Variants in PXT1 observed in about 807,000 individuals in gnomAD.
PXT1 encodes peroxisomal testis enriched protein 1, also known as peroxisomal testis-specific protein 1.
PXT1 carries 11 observed loss-of-function variants against 11.0 expected under a neutral mutation model. The ratio of observed to expected loss-of-function variants is 1.00; its 90% CI spans 0.63 to 1.66. The LOEUF (loss-of-function observed/expected upper bound fraction) is 1.66. PXT1 is among the 40% of genes most tolerant of loss of function. PXT1 has a pLI of 0.00. For missense variants in PXT1, 141 were observed against 155.5 expected (o/e 0.91, Z 0.49); for synonymous variants, 43 against 51.4 (o/e 0.84, Z 0.70).
At chr6:36,415,392 C>A (rs1477058717) in intron 3 of PXT1, among the ~76,000 whole-genome samples, 1 of 151,962 alleles carries the variant, frequency 6.6e-6, no homozygotes, top group South Asian at 2.1e-4. Flanking sequence ...TGCAGTGAGC[C>A]GAGATCGCAC....
Position 36,390,835 on chromosome 6 carries a change from C to T in PXT1, c.*935G>A, listed in dbSNP as rs1774055833. On this transcript the variant is annotated 3_prime_UTR_variant, in exon 5 of 5. Coordinates refer to ENST00000454782, the MANE Select transcript of PXT1 (RefSeq NM_152990.4). ...GCCCACCAACCAATAATAGCAAAAC[C>T]ATCCAGCAATAGGAAAAGAGAAGTT... is the stretch of plus-strand genomic sequence containing the variant. The T allele has an allele frequency of 6.6e-6, 1 of 152,192 alleles. No individual in the cohort carries two copies. Among genetic ancestry groups the T allele is most frequent in the Non-Finnish European group, 1.5e-5 (1 of 68,066 alleles). 9.4% of individuals were successfully genotyped at this position (152,192 alleles called of 1,614,324 possible).
intron 3 of PXT1, among the ~76,000 whole-genome samples, chr6:36,414,978 A>C (rs891563293): frequency 6.6e-6 from 1 of 152,238 alleles, no homozygotes; most frequent in Non-Finnish European, 1.5e-5. Flanking sequence ...TTATGGCACC[A>C]ACTCAAAGGG....
chr6:36,412,267 G>T (rs1007632800), intron 3 of PXT1, among the ~76,000 whole-genome samples: 3 of 150,374 alleles, frequency 2.0e-5, no homozygotes, highest in African/African-American at 7.4e-5. Context: ...CAGGAGAATC[G>T]CTTGAACCTG....
intron 4 of PXT1, among the ~76,000 whole-genome samples, chr6:36,398,814 T>C (rs1157460817): frequency 1.3e-5 from 2 of 152,086 alleles, no homozygotes; most frequent in African/African-American, 2.4e-5. Flanking sequence ...TTCCCAGAGA[T>C]GCCTTCCCTG....
At chr6:36,402,809 A>G (rs1774232281) in intron 3 of PXT1, among the ~76,000 whole-genome samples, 1 of 152,238 alleles carries the variant, frequency 6.6e-6, no homozygotes, top group Admixed American at 6.5e-5. Context: ...TTTATCCAGT[A>G]GAGATAAAGG....
chr6:36,438,116 G>A (rs1438801404), intron 2 of PXT1, among the ~76,000 whole-genome samples: 2 of 151,872 alleles, frequency 1.3e-5, no homozygotes, highest in East Asian at 1.9e-4. Context: ...CACCGAGCCC[G>A]GCCTATTAAT....
intron 3 of PXT1, among the ~76,000 whole-genome samples, chr6:36,421,050 G>T (rs572802291): frequency 7.0e-6 from 1 of 143,564 alleles, no homozygotes; most frequent in Non-Finnish European, 1.5e-5. Flanking sequence ...TAGAGACTCC[G>T]TCTCAAAAAA....
chr6:36,397,444 G>T (rs1352327161), intron 4 of PXT1, among the ~76,000 whole-genome samples: 1 of 152,008 alleles, frequency 6.6e-6, no homozygotes, highest in Admixed American at 6.6e-5. Context: ...AATCCAAATG[G>T]TGTTGGGACA....
intron 3 of PXT1, among the ~76,000 whole-genome samples, chr6:36,401,544 G>A (rs1375448848): frequency 1.3e-5 from 2 of 151,484 alleles, no homozygotes; most frequent in African/African-American, 2.4e-5. Context: ...TTGAGCCCGG[G>A]AGGGGAGGCT....
At chr6:36,441,456 A>C (rs1281123251) in intron 1 of PXT1, among the ~76,000 whole-genome samples, 2 of 152,182 alleles carry the variant, frequency 1.3e-5, no homozygotes, top group Non-Finnish European at 2.9e-5. Flanking sequence ...CCTGGTGACT[A>C]GTTCAGGACA....
intron 3 of PXT1, among the ~76,000 whole-genome samples, chr6:36,416,685 T>C (rs1278683812): frequency 6.6e-6 from 1 of 152,206 alleles, no homozygotes; most frequent in Non-Finnish European, 1.5e-5. Context: ...GTACCTACTA[T>C]ACAATAAATC....
At chr6:36,407,556 T>C (rs1349096771) in intron 3 of PXT1, among the ~76,000 whole-genome samples, 2 of 149,868 alleles carry the variant, frequency 1.3e-5, no homozygotes, top group Non-Finnish European at 3.0e-5. Flanking sequence ...AGTAAGGAAT[T>C]TGGAAAAACT....
intron 3 of PXT1, among the ~76,000 whole-genome samples, chr6:36,423,260 T>C (rs987423316): frequency 6.6e-6 from 1 of 152,244 alleles, no homozygotes; most frequent in Non-Finnish European, 1.5e-5. Context: ...AGAGTTTTCC[T>C]CTGGACAGTA....
At chr6:36,402,107 A>G (rs1055444748) in intron 3 of PXT1, among the ~76,000 whole-genome samples, 2 of 152,068 alleles carry the variant, frequency 1.3e-5, no homozygotes, top group Non-Finnish European at 2.9e-5. Context: ...ATGAGCCACT[A>G]TGCCCAGCCC....
chr6:36,401,851 A>AT (rs1429989681), intron 3 of PXT1, among the ~76,000 whole-genome samples: 2 of 149,724 alleles, frequency 1.3e-5, no homozygotes, highest in Non-Finnish European at 3.0e-5. Flanking sequence ...TTCAAAATAG[A>AT]TTTTTCCACT....
chr6:36,421,285 G>A (rs924967523), intron 3 of PXT1, among the ~76,000 whole-genome samples: 2 of 152,080 alleles, frequency 1.3e-5, no homozygotes, highest in Non-Finnish European at 2.9e-5. Flanking sequence ...AACAAAGTGA[G>A]ATGCTGTCTC....
chr6:36,438,432 T>G (rs901554217), intron 2 of PXT1, among the ~76,000 whole-genome samples: 1 of 152,176 alleles, frequency 6.6e-6, no homozygotes, highest in East Asian at 1.9e-4. Flanking sequence ...TTGTTTGTTT[T>G]TTGTTTTTTG....
intron 4 of PXT1, among the ~76,000 whole-genome samples, chr6:36,392,215 AGACAGG>A (rs1037066490): frequency 1.3e-5 from 2 of 152,214 alleles, no homozygotes; most frequent in African/African-American, 2.4e-5. Context: ...TATTTTGTGC[AGACAGG>A]GTCTCACTAT....
intron 4 of PXT1, among the ~76,000 whole-genome samples, chr6:36,396,474 C>G (rs1056603520): frequency 6.6e-6 from 1 of 152,250 alleles, no homozygotes; most frequent in African/African-American, 2.4e-5. Context: ...GCTCCCAGAG[C>G]CTGCTCCAAT....
Sources: gnomAD v4.1 joint callset for allele counts (sites outside exome capture counted in the v4.1 genomes callset) on GRCh38, gnomAD v4.1.1 for gene constraint, MANE v1.5 for transcripts, NCBI Gene and HGNC (gene_info 2026-07-23, HGNC 2026-07-21) for gene names.